Variants in CIB4 observed in about 807,000 individuals in gnomAD.
CIB4 encodes the protein calcium and integrin binding family member 4.
CIB4 carries 25 observed loss-of-function variants against 25.8 expected under a neutral mutation model. That is an observed-to-expected ratio of 0.97 (90% confidence interval 0.71 to 1.35). The LOEUF (loss-of-function observed/expected upper bound fraction) is 1.35, where lower values mean the gene tolerates loss of function less well. CIB4 is among the 40% of genes most tolerant of loss of function. The probability of loss-of-function intolerance (pLI) is 0.00; values close to 1 mark genes in which losing one functional copy is unlikely to be tolerated. For missense variants in CIB4, 235 were observed against 228.2 expected (o/e 1.03, Z -0.19); for synonymous variants, 75 against 81.4 (o/e 0.92, Z 0.42).
chr2:26,606,179 GC>G (rs915869107), intron 3 of CIB4, among the ~76,000 whole-genome samples: 5 of 152,234 alleles, frequency 3.3e-5, no homozygotes, highest in African/African-American at 1.2e-4. Flanking sequence ...GAGTCCTGGG[GC>G]CCCCCAAAAT....
chr2:26,586,132 G>A (rs1007096004), intron 4 of CIB4, among the ~76,000 whole-genome samples: 2 of 152,116 alleles, frequency 1.3e-5, no homozygotes, highest in Admixed American at 6.5e-5. Context: ...CTCTGCCCCC[G>A]GAAGTCTATT....
intron 4 of CIB4, among the ~76,000 whole-genome samples, chr2:26,588,896 G>C (rs1318892108): frequency 1.3e-5 from 2 of 152,194 alleles, no homozygotes; most frequent in Admixed American, 1.3e-4. Context: ...GTGTCTCTCA[G>C]AGCAGGACAT....
Position 26,615,692 on chromosome 2 carries a change from C to T in CIB4, c.186+13718G>A, listed in dbSNP as rs540825612. Reference sequence around the variant, plus strand: ...ACTGAGGCCCTGAGAAGGGTGGTGCCAAGCCCAAGACCGCCAGGTGGCAGC... The same window carrying T: ...ACTGAGGCCCTGAGAAGGGTGGTGCTAAGCCCAAGACCGCCAGGTGGCAGC... On this transcript the variant is annotated intron_variant, in intron 3 of 6. Coordinates refer to ENST00000288861, the MANE Select transcript of CIB4 (RefSeq NM_001029881.3). Among the ~76,000 whole-genome samples, 154 of 152,360 alleles carry T rather than the reference C, an allele frequency of 1.0e-3. 2 individuals carry two copies. The highest frequency in any genetic ancestry group is 3.4e-3 in the African/African-American group (143 of 41,590).
intron 4 of CIB4, among the ~76,000 whole-genome samples, chr2:26,587,943 C>G (rs887851100): frequency 3.9e-5 from 6 of 152,250 alleles, no homozygotes. Flanking sequence ...AGACTTGTCT[C>G]TGTTCCCCAT....
At chr2:26,600,597 C>T (rs375100877) in intron 3 of CIB4, among the ~76,000 whole-genome samples, 10 of 152,294 alleles carry the variant, frequency 6.6e-5, no homozygotes, top group African/African-American at 2.2e-4. Flanking sequence ...AGCACCCTCT[C>T]ACCCAGAAAG....
intron 2 of CIB4, among the ~76,000 whole-genome samples, chr2:26,635,832 T>G (rs1272242001): frequency 6.6e-6 from 1 of 152,228 alleles, no homozygotes; most frequent in Non-Finnish European, 1.5e-5. Context: ...TGAACAGCCC[T>G]TTATTTCATA....
chr2:26,624,908 T>C (rs977098950), intron 3 of CIB4, among the ~76,000 whole-genome samples: 20 of 152,134 alleles, frequency 1.3e-4, no homozygotes, highest in Non-Finnish European at 1.2e-4. Context: ...GGAAATAACT[T>C]AGAGGGTAAT....
intron 3 of CIB4, among the ~76,000 whole-genome samples, chr2:26,611,426 C>T (rs1424432806): frequency 6.6e-6 from 1 of 152,196 alleles, no homozygotes; most frequent in African/African-American, 2.4e-5. Flanking sequence ...AGTGATGTGT[C>T]ACAGGGCTCC....
chr2:26,613,913 G>T (rs1311233451), intron 3 of CIB4, among the ~76,000 whole-genome samples: 2 of 152,222 alleles, frequency 1.3e-5, no homozygotes. Flanking sequence ...CAGCTGTGAA[G>T]AGCAGAGGCC....
At chr2:26,614,217 G>A (rs1432690959) in intron 3 of CIB4, among the ~76,000 whole-genome samples, 2 of 152,200 alleles carry the variant, frequency 1.3e-5, no homozygotes, top group Non-Finnish European at 2.9e-5. Flanking sequence ...AGACATGAGT[G>A]GAATAAAGCC....
chr2:26,595,700 T>C (rs1473681799), intron 3 of CIB4, among the ~76,000 whole-genome samples: 2 of 152,232 alleles, frequency 1.3e-5, no homozygotes, highest in Non-Finnish European at 2.9e-5. Context: ...CTGCATCAAT[T>C]TTCTTGTCCT....
chr2:26,602,737 T>C (rs751727209), intron 3 of CIB4, among the ~76,000 whole-genome samples: 1 of 152,180 alleles, frequency 6.6e-6, no homozygotes, highest in Non-Finnish European at 1.5e-5. Context: ...GTCATGTTGA[T>C]GTCAGGTATC....
intron 2 of CIB4, among the ~76,000 whole-genome samples, 175 bp from the exon 3 acceptor site, chr2:26,629,681 G>A (rs527611527): frequency 2.0e-4 from 30 of 152,276 alleles, no homozygotes; most frequent in Admixed American, 5.2e-4. Context: ...ATAATAAAGC[G>A]CAGTAATAAA....
In CIB4 at chr2:26,631,056, G is replaced by A. The variant is rs571181397; in HGVS notation, c.90-1550C>T. Among the ~76,000 whole-genome samples the A allele has an allele frequency of 2.6e-5, 4 of 152,268 alleles. No homozygotes were observed. In the East Asian group the frequency reaches 7.7e-4, roughly 29 times the overall value. On this transcript the variant is annotated intron_variant, in intron 2 of 6. Transcript: ENST00000288861. ...CCATCAAACCTCTACTCTCCTGAGA[G>A]GCCAGCAATCCCATGAAAGGAGTCT...
intron 3 of CIB4, among the ~76,000 whole-genome samples, chr2:26,599,406 ATCT>A (rs1293609187): frequency 2.0e-5 from 3 of 152,214 alleles, no homozygotes; most frequent in Admixed American, 1.3e-4. Context: ...TTTTTTAAAG[ATCT>A]TCTTAAAGTT....
Position 26,629,420 on chromosome 2 carries a change from G to A in CIB4, c.176C>T (p.Pro59Leu). ...TLTMDQVSSL[P>L]ALRVNPFRDR... ...CCATCCTGGACTCACCCGCAGAGCT[G>A]GCAGGGAGCTGACCTGGTCCATGGT... The change falls in exon 3 of 7, where the codon CCA becomes CTA. Residue 59 changes from proline (P) to leucine (L), a missense_variant. By Grantham distance (98) the Pro-to-Leu change is moderately conservative. Coordinates refer to ENST00000288861, the MANE Select transcript of CIB4 (RefSeq NM_001029881.3). The A allele has an allele frequency of 6.3e-7, 1 of 1,576,778 alleles. No individual in the cohort carries two copies. The highest frequency in any genetic ancestry group is 8.6e-7 in the Non-Finnish European group (1 of 1,160,418).
chr2:26,620,220 C>A (rs1458676038), intron 3 of CIB4, among the ~76,000 whole-genome samples: 1 of 152,026 alleles, frequency 6.6e-6, no homozygotes, highest in African/African-American at 2.4e-5. Context: ...ACCCGAATCC[C>A]ACAGCGGGGA....
intron 4 of CIB4, among the ~76,000 whole-genome samples, chr2:26,589,066 CTCTTCCTCTTCTTCT>C (rs1558554899): frequency 0.085 from 3,924 of 46,326 alleles, 793 homozygotes; most frequent in African/African-American, 0.25. Flanking sequence ...CTTCCTCTTC[CTCTTCCTCTTCTTCT>C]TCTTCTTCTT....
At chr2:26,615,121 T>C (rs116687574) in intron 3 of CIB4, among the ~76,000 whole-genome samples, 207 of 152,282 alleles carry the variant, frequency 1.4e-3, no homozygotes, top group African/African-American at 4.8e-3. Flanking sequence ...GGGAGGTCAC[T>C]CAGGTACCCA....
Sources: gnomAD v4.1 joint callset for allele counts (sites outside exome capture counted in the v4.1 genomes callset) on GRCh38, gnomAD v4.1.1 for gene constraint, MANE v1.5 for transcripts, NCBI Gene and HGNC (gene_info 2026-07-23, HGNC 2026-07-21) for gene names.